Variants in SYBU observed in about 807,000 individuals in gnomAD.
The protein encoded by SYBU is syntabulin, also known as GOLSYN A protein.
Under a neutral mutation model 35.9 loss-of-function variants are expected in SYBU, and 21 were observed. The observed-to-expected ratio is 0.58, with a 90% CI of 0.41 to 0.84. SYBU has a LOEUF of 0.84. SYBU is among the 40% of genes least tolerant of loss of function. The probability of loss-of-function intolerance (pLI) is 0.00; values close to 1 mark genes in which losing one functional copy is unlikely to be tolerated. For missense variants in SYBU, 768 were observed against 848.2 expected (o/e 0.91, Z 1.17); for synonymous variants, 319 against 324.3 (o/e 0.98, Z 0.18).
upstream of SYBU, chr8:109,681,051 C>G (rs191067069): frequency 5.5e-4 from 84 of 152,318 alleles, no homozygotes; most frequent in African/African-American, 1.9e-3. Context: ...ACTAGTAAAA[C>G]GAGCAACACG....
In SYBU at chr8:109,574,917, T is replaced by G; in HGVS notation, c.1981A>C (p.Ile661Leu). Reference sequence around the variant, plus strand: ...ACAACAACTTCTATTTAGGTTTTGATACGGAAGGCGGTGCGGCGGAGCGAA... The same window carrying G: ...ACAACAACTTCTATTTAGGTTTTGAGACGGAAGGCGGTGCGGCGGAGCGAA... ...LHSLRRTAFRIKT is the reference protein window; with the variant it reads ...LHSLRRTAFRLKT Residue 661 changes from isoleucine (I) to leucine (L), a missense_variant, in exon 7 of 7, where the codon ATC (isoleucine) becomes CTC (leucine). Coordinates refer to ENST00000276646, the MANE Select transcript of SYBU (RefSeq NM_001099754.2). 1 of 1,514,110 alleles carries G rather than the reference T, an allele frequency of 6.6e-7. No homozygotes were observed. Among genetic ancestry groups the G allele is most frequent in the Non-Finnish European group, 8.8e-7 (1 of 1,131,460 alleles). The allele number at this position is 1,514,110 out of a possible 1,614,324, so 93.8% of individuals were successfully genotyped here.
intron 4 of SYBU, among the ~76,000 whole-genome samples, chr8:109,583,257 T>C (rs549093025): frequency 9.8e-5 from 15 of 152,298 alleles, no homozygotes; most frequent in Admixed American, 9.2e-4. Context: ...ATGCTATTAT[T>C]ATCCCATATC....
At chr8:109,657,081 T>C (rs901031279) in intron 1 of SYBU, among the ~76,000 whole-genome samples, 1 of 152,176 alleles carries the variant, frequency 6.6e-6, no homozygotes, top group Admixed American at 6.5e-5. Context: ...GAAATACGGT[T>C]AAATGAAAAT....
intron 3 of SYBU, among the ~76,000 whole-genome samples, chr8:109,613,443 T>C (rs765472857): frequency 4.6e-5 from 7 of 152,160 alleles, no homozygotes; most frequent in Non-Finnish European, 1.0e-4. Context: ...AGACAACAAG[T>C]AGCTAGAGAT....
intron 3 of SYBU, among the ~76,000 whole-genome samples, chr8:109,602,871 T>TGAACACA (rs1378519707): frequency 6.6e-6 from 1 of 152,194 alleles, no homozygotes; most frequent in East Asian, 1.9e-4. Context: ...TGGGGTTGTT[T>TGAACACA]TTAACCCTGA....
At chr8:109,620,262 G>A (rs1428686962) in intron 2 of SYBU, among the ~76,000 whole-genome samples, 2 of 152,134 alleles carry the variant, frequency 1.3e-5, no homozygotes, top group African/African-American at 4.8e-5. Context: ...TGATGCCAGA[G>A]TTACTTTAGT....
chr8:109,585,982 G>T (rs73702894), intron 4 of SYBU, 78 bp downstream of exon 4: 2 of 892,282 alleles, frequency 2.2e-6, no homozygotes, highest in Admixed American at 5.0e-5. Context: ...AGTAATCCGG[G>T]TGGTTCTACA....
intron 3 of SYBU, among the ~76,000 whole-genome samples, chr8:109,588,023 G>A (rs905625010): frequency 6.6e-6 from 1 of 152,150 alleles, no homozygotes; most frequent in Non-Finnish European, 1.5e-5. Context: ...GATTCCTGAC[G>A]GCCTAACTCA....
At chr8:109,616,468 T>C (rs981295829) in intron 3 of SYBU, among the ~76,000 whole-genome samples, 1 of 152,200 alleles carries the variant, frequency 6.6e-6, no homozygotes, top group Non-Finnish European at 1.5e-5. Context: ...TGTTAACATA[T>C]AATTATTATG....
At chr8:109,670,919 CT>C in intron 1 of SYBU, among the ~76,000 whole-genome samples, 1 of 151,734 alleles carries the variant, frequency 6.6e-6, no homozygotes, top group East Asian at 1.9e-4. Context: ...GAGAGAGAGA[CT>C]TTGCTTTATG....
chr8:109,657,840 G>T (rs540374778), intron 1 of SYBU, among the ~76,000 whole-genome samples: 1 of 152,162 alleles, frequency 6.6e-6, no homozygotes, highest in East Asian at 1.9e-4. Flanking sequence ...TTTTCTAAGG[G>T]TACTCATTTG....
At chr8:109,615,312 C>T (rs187643419) in intron 3 of SYBU, among the ~76,000 whole-genome samples, 46 of 152,198 alleles carry the variant, frequency 3.0e-4, no homozygotes, top group Middle Eastern at 6.8e-3. Flanking sequence ...AGGAGATGGT[C>T]GCTTGGGGCT....
Position 109,642,766 on chromosome 8 carries a change from C to T in SYBU, c.191G>A (p.Arg64His). Reference sequence around the variant, plus strand: ...GTTGCTGCTAACGGTCCTCGCTGAGCGCCCAGAGCTGCTGGGGTTGAACTC... The same window carrying T: ...GTTGCTGCTAACGGTCCTCGCTGAGTGCCCAGAGCTGCTGGGGTTGAACTC... ...SREFNPSSSG[R>H]SARTVSSNSF... The change falls in exon 2 of 7, where the codon CGC (arginine) becomes CAC (histidine). Residue 64 changes from arginine (R) to histidine (H), a missense_variant. Transcript: ENST00000276646. 5 of 1,610,574 alleles carry T rather than the reference C, an allele frequency of 3.1e-6. No homozygotes were observed. The highest frequency in any genetic ancestry group is 4.2e-6 in the Non-Finnish European group (5 of 1,178,576).
upstream of SYBU, among the ~76,000 whole-genome samples, chr8:109,683,940 C>T (rs536589199): frequency 3.1e-4 from 47 of 152,292 alleles, no homozygotes; most frequent in African/African-American, 7.7e-4. Context: ...TTTGCCTTCT[C>T]TTCCACTATG....
upstream of SYBU, among the ~76,000 whole-genome samples, chr8:109,685,651 C>G (rs1413826956): frequency 2.0e-5 from 3 of 152,148 alleles, no homozygotes; most frequent in African/African-American, 7.2e-5. Flanking sequence ...TATAAAAATT[C>G]TTCATAATTC....
chr8:109,627,857 G>A (rs1045716165), intron 2 of SYBU, among the ~76,000 whole-genome samples: 1 of 152,172 alleles, frequency 6.6e-6, no homozygotes, highest in African/African-American at 2.4e-5. Context: ...TATAAAACGT[G>A]TGCCATTCTG....
intron 2 of SYBU, among the ~76,000 whole-genome samples, chr8:109,621,771 A>G (rs1309480577): frequency 6.6e-6 from 1 of 152,214 alleles, no homozygotes; most frequent in Non-Finnish European, 1.5e-5. Context: ...GTTATGGAAG[A>G]AGCCTGGGGC....
intron 6 of SYBU, among the ~76,000 whole-genome samples, chr8:109,577,425 AT>A (rs1323534422): frequency 6.6e-6 from 1 of 152,140 alleles, no homozygotes; most frequent in Non-Finnish European, 1.5e-5. Flanking sequence ...CGGCACAGAA[AT>A]AGCATGCAGG....
At chr8:109,672,136 G>T (rs912042330) in intron 1 of SYBU, among the ~76,000 whole-genome samples, 1 of 152,166 alleles carries the variant, frequency 6.6e-6, no homozygotes, top group African/African-American at 2.4e-5. Context: ...CCCGACCTCA[G>T]GTGATCCACC....
Sources: allele counts gnomAD v4.1 joint callset (sites outside exome capture counted in the v4.1 genomes callset), GRCh38; gene constraint gnomAD v4.1.1; transcripts MANE v1.5; gene names NCBI Gene and HGNC (gene_info 2026-07-23, HGNC 2026-07-21).